The following KIAA1217 variants were observed in gnomAD, a reference collection of about 807,000 sequenced individuals.
KIAA1217 encodes sickle tail protein homolog.
KIAA1217 carries 88 observed loss-of-function variants against 163.9 expected under a neutral mutation model. The ratio of observed to expected loss-of-function variants is 0.54; its 90% CI spans 0.45 to 0.64. The LOEUF (loss-of-function observed/expected upper bound fraction) is 0.64, where lower values mean the gene tolerates loss of function less well. Ranked by LOEUF, KIAA1217 falls within the 30% of genes least tolerant of loss-of-function variation. The probability of loss-of-function intolerance (pLI) is 0.00; values close to 1 mark genes in which losing one functional copy is unlikely to be tolerated. For synonymous variants in KIAA1217, 903 were observed against 923.1 expected (o/e 0.98, Z 0.39); for missense variants, 2,372 against 2,475.0 (o/e 0.96, Z 0.88).
intron 6 of KIAA1217, among the ~76,000 whole-genome samples, chr10:24,476,557 A>G (rs73604489): frequency 0.11 from 16,085 of 152,242 alleles, 1,037 homozygotes; most frequent in East Asian, 0.16. Flanking sequence ...CTGACAAAAC[A>G]GATGAATATT....
chr10:24,047,749 C>T (rs1355996696), intron 2 of KIAA1217, among the ~76,000 whole-genome samples: 3 of 152,158 alleles, frequency 2.0e-5, no homozygotes, highest in Non-Finnish European at 2.9e-5. Flanking sequence ...ACATTGTCCA[C>T]CTCTATATTA....
intron 2 of KIAA1217, among the ~76,000 whole-genome samples, chr10:24,024,369 T>G (rs1025283430): frequency 4.0e-5 from 6 of 151,682 alleles, no homozygotes; most frequent in African/African-American, 1.4e-4. Flanking sequence ...TTGATTTCTT[T>G]CCCTCATAAC....
intron 2 of KIAA1217, among the ~76,000 whole-genome samples, chr10:24,372,355 G>T (rs566374458): frequency 6.6e-6 from 1 of 152,176 alleles, no homozygotes; most frequent in East Asian, 1.9e-4. Flanking sequence ...TGAATGAGGG[G>T]TGTGGCATCT....
intron 2 of KIAA1217, among the ~76,000 whole-genome samples, chr10:24,258,596 T>C (rs529127699): frequency 2.6e-5 from 4 of 151,294 alleles, no homozygotes; most frequent in South Asian, 2.1e-4. Flanking sequence ...CTTTTTTTTT[T>C]TTTTTTCTTT....
At chr10:23,862,597 A>C (rs546345275) in intron 1 of KIAA1217, among the ~76,000 whole-genome samples, 28 of 152,308 alleles carry the variant, frequency 1.8e-4, no homozygotes, top group Non-Finnish European at 7.4e-5. Context: ...TTATCCAAAC[A>C]GATTGAAAAC....
intron 1 of KIAA1217, among the ~76,000 whole-genome samples, chr10:23,739,643 G>A (rs9731339): frequency 0.014 from 2,110 of 152,258 alleles, 41 homozygotes; most frequent in African/African-American, 0.045. Flanking sequence ...AATGTGTGGA[G>A]GAGGTATGAG....
At chr10:23,926,298 T>C (rs1231536668) in intron 1 of KIAA1217, among the ~76,000 whole-genome samples, 3 of 152,206 alleles carry the variant, frequency 2.0e-5, no homozygotes, top group Non-Finnish European at 4.4e-5. Context: ...GCAACAGAAG[T>C]CAAGAAAAGT....
intron 16 of KIAA1217, 122 bp from the exon 17 acceptor site, chr10:24,536,652 G>C (rs1592752425): frequency 2.1e-6 from 2 of 964,118 alleles, no homozygotes; most frequent in Non-Finnish European, 3.1e-6. Flanking sequence ...TGCCTCCCTG[G>C]CCTAAACCTG....
At chr10:24,193,801 TACACACACACACACACACACAC>T (rs10562687) in intron 2 of KIAA1217, among the ~76,000 whole-genome samples, 7 of 142,296 alleles carry the variant, frequency 4.9e-5, no homozygotes, top group East Asian at 2.1e-4. Flanking sequence ...CAGCGTTTTC[TACACACACACACACACACACAC>T]ACACACACAC....
At chr10:23,699,019 C>T (rs548471022) in intron 1 of KIAA1217, among the ~76,000 whole-genome samples, 1 of 152,330 alleles carries the variant, frequency 6.6e-6, no homozygotes, top group African/African-American at 2.4e-5. Flanking sequence ...AGCCACTGCA[C>T]CTGGCTGGGT....
At chr10:24,537,577 CAA>C (rs72185665) in intron 17 of KIAA1217, among the ~76,000 whole-genome samples, 71 of 119,088 alleles carry the variant, frequency 6.0e-4, no homozygotes, top group African/African-American at 1.0e-3. Flanking sequence ...AACTCTGTCT[CAA>C]AAAAAAAAAA....
chr10:23,749,148 C>T (rs1168197875), intron 1 of KIAA1217, among the ~76,000 whole-genome samples: 1 of 149,774 alleles, frequency 6.7e-6, no homozygotes, highest in African/African-American at 2.5e-5. Flanking sequence ...CATCCTGATT[C>T]AATCCAATCA....
intron 1 of KIAA1217, among the ~76,000 whole-genome samples, chr10:23,958,313 G>T (rs986238139): frequency 6.6e-6 from 1 of 152,162 alleles, no homozygotes; most frequent in Non-Finnish European, 1.5e-5. Context: ...GAGGAAGACT[G>T]GGTTGAAAGA....
chr10:24,106,449 T>G (rs528929238), intron 2 of KIAA1217, among the ~76,000 whole-genome samples: 1 of 151,768 alleles, frequency 6.6e-6, no homozygotes, highest in South Asian at 2.1e-4. Flanking sequence ...ATAAGGTGAC[T>G]TGGAGGCTGG....
At chr10:24,087,322 A>C (rs2061732308) in intron 2 of KIAA1217, among the ~76,000 whole-genome samples, 1 of 152,202 alleles carries the variant, frequency 6.6e-6, no homozygotes, top group African/African-American at 2.4e-5. Flanking sequence ...ATTCTTCTGA[A>C]GGTGCTTCTA....
intron 5 of KIAA1217, among the ~76,000 whole-genome samples, chr10:24,446,954 C>T (rs2060984093): frequency 6.6e-6 from 1 of 152,138 alleles, no homozygotes; most frequent in Admixed American, 6.5e-5. Flanking sequence ...CCTTTCCCAC[C>T]ACTGTCTTCA....
chr10:23,757,569 G>A (rs187612423), intron 1 of KIAA1217, among the ~76,000 whole-genome samples: 13 of 152,126 alleles, frequency 8.5e-5, no homozygotes, highest in Middle Eastern at 3.4e-3. Flanking sequence ...CCAGGCTGGA[G>A]TGCAGTGGCG....
chr10:24,294,204 A>AG (rs2079440663), intron 2 of KIAA1217, among the ~76,000 whole-genome samples: 5 of 151,266 alleles, frequency 3.3e-5, no homozygotes, highest in Admixed American at 2.6e-4. Context: ...AAAAAAAAAA[A>AG]AAAAAAAAAG....
intron 2 of KIAA1217, among the ~76,000 whole-genome samples, chr10:24,130,528 G>A (rs2063615902): frequency 6.6e-6 from 1 of 152,172 alleles, no homozygotes; most frequent in African/African-American, 2.4e-5. Context: ...AACTCCATAT[G>A]TAAAATGAAC....
Sources: allele counts gnomAD v4.1 joint callset (sites outside exome capture counted in the v4.1 genomes callset), GRCh38; gene constraint gnomAD v4.1.1; transcripts MANE v1.5; gene names NCBI Gene and HGNC (gene_info 2026-07-23, HGNC 2026-07-21).